LUC7L2: variants seen among roughly 807,000 people sequenced by gnomAD.
The protein encoded by LUC7L2 is LUC7 like 2, pre-mRNA splicing factor, also known as putative RNA-binding protein Luc7-like 2.
Under a neutral mutation model 52.8 loss-of-function variants are expected in LUC7L2, and 25 were observed. The observed-to-expected ratio is 0.47, with a 90% CI of 0.34 to 0.66. The LOEUF (loss-of-function observed/expected upper bound fraction) is 0.66. Among genes scored for constraint, LUC7L2 ranks in the 30% least tolerant of loss-of-function variants. The pLI, the probability that LUC7L2 is intolerant of heterozygous loss-of-function variation, is 0.01. For synonymous variants in LUC7L2, 144 were observed against 160.9 expected (o/e 0.89, Z 0.80); for missense variants, 328 against 497.8 (o/e 0.66, Z 3.25).
intron 1 of LUC7L2, among the ~76,000 whole-genome samples, chr7:139,352,617 G>A (rs531087198): frequency 9.8e-5 from 15 of 152,314 alleles, no homozygotes; most frequent in African/African-American, 3.6e-4. Context: ...TTTGGCTCTT[G>A]TCATTTCTCC....
rs566144963 is a variant in LUC7L2, at chr7:139,391,201, C to T, written c.157-7398C>T. Among the ~76,000 whole-genome samples, 7 of 152,250 alleles carry T rather than the reference C, an allele frequency of 4.6e-5. No homozygotes were observed. The South Asian group carries it at 1.5e-3, about 32-fold the overall frequency. ...TTGGTGTACACTGTGGCAGTCAAAT[C>T]CTTGTATGTACATCTTTGTAGACAC... On this transcript the variant is annotated intron_variant, in intron 2 of 9. Transcript: ENST00000354926.
intron 1 of LUC7L2, among the ~76,000 whole-genome samples, chr7:139,353,296 A>G (rs1799508379): frequency 6.6e-6 from 1 of 152,218 alleles, no homozygotes; most frequent in African/African-American, 2.4e-5. Flanking sequence ...TATTTACCAT[A>G]TTTAGTTCAT....
intron 2 of LUC7L2, among the ~76,000 whole-genome samples, chr7:139,383,028 C>G (rs183607263): frequency 4.6e-5 from 7 of 152,252 alleles, no homozygotes; most frequent in African/African-American, 1.7e-4. Flanking sequence ...TAGGCATAAG[C>G]AATTCTCCTG....
intron 1 of LUC7L2, chr7:139,345,861 T>A: frequency 1.2e-6 from 1 of 823,694 alleles, no homozygotes; most frequent in Non-Finnish European, 1.8e-6. Context: ...ATCTTTACTC[T>A]CAGTGAATTT....
At chr7:139,382,212 A>G (rs545688720) in intron 2 of LUC7L2, among the ~76,000 whole-genome samples, 7 of 151,918 alleles carry the variant, frequency 4.6e-5, no homozygotes, top group African/African-American at 1.7e-4. Context: ...TTTAATAGAG[A>G]TTGGGTTTTA....
intron 2 of LUC7L2, among the ~76,000 whole-genome samples, chr7:139,379,802 T>C (rs925784541): frequency 3.3e-5 from 5 of 151,784 alleles, no homozygotes; most frequent in Non-Finnish European, 5.9e-5. Flanking sequence ...CTGACCTCAG[T>C]TGATCTGCCT....
At chr7:139,360,943 A>G (rs1430936684) in intron 1 of LUC7L2, among the ~76,000 whole-genome samples, 2 of 152,130 alleles carry the variant, frequency 1.3e-5, no homozygotes, top group African/African-American at 2.4e-5. Context: ...TTTCCGAGAG[A>G]CCTCCATTTT....
chr7:139,359,488 G>C (rs1322274495), upstream of LUC7L2: 1 of 208,226 alleles, frequency 4.8e-6, no homozygotes, highest in African/African-American at 2.3e-5. Flanking sequence ...CGGGGCGGGC[G>C]TTCGCCCCGA....
rs184951602 is a variant in LUC7L2 at position 139,401,999 on chromosome 7, A to G, written c.256-138A>G. 2.7e-4 allele frequency: 228 copies of G among 845,868 alleles called. 5 individuals carry two copies. The Admixed American group carries it at 8.0e-3, about 30-fold the overall frequency. 52.4% of individuals were successfully genotyped at this position (845,868 alleles called of 1,614,324 possible). On this transcript the variant is annotated intron_variant, in intron 3 of 9. Transcript: ENST00000354926. ...AGTGATCTGTCTGCCTTAGCCTCCTAAAGTGCTCAATTACTGACGTGAGCC... is the reference window on the plus strand; with the variant it reads ...AGTGATCTGTCTGCCTTAGCCTCCTGAAGTGCTCAATTACTGACGTGAGCC...
chr7:139,359,443 A>C, upstream of LUC7L2: 20 of 167,556 alleles, frequency 1.2e-4, no homozygotes, highest in Non-Finnish European at 1.9e-4. Context: ...CCGGCCGGGA[A>C]AGGCGCACGA....
At chr7:139,411,403 T>G (rs894865824) in intron 7 of LUC7L2, among the ~76,000 whole-genome samples, 1 of 152,206 alleles carries the variant, frequency 6.6e-6, no homozygotes, top group Non-Finnish European at 1.5e-5. Context: ...CCAGACACTG[T>G]AGTAAGGAAT....
intron 1 of LUC7L2, among the ~76,000 whole-genome samples, chr7:139,361,842 AAGT>A (rs1363248032): frequency 1.3e-5 from 2 of 152,182 alleles, no homozygotes; most frequent in East Asian, 3.8e-4. Context: ...TAATAAAATT[AAGT>A]TATTTAAGAC....
chr7:139,377,693 T>A (rs1800788959), intron 2 of LUC7L2, among the ~76,000 whole-genome samples: 1 of 152,038 alleles, frequency 6.6e-6, no homozygotes, highest in Non-Finnish European at 1.5e-5. Context: ...TGCCCGGCCC[T>A]AATTTTTGTA....
intron 1 of LUC7L2, among the ~76,000 whole-genome samples, chr7:139,368,741 A>AAAAAG (rs1195725691): frequency 1.3e-5 from 2 of 151,832 alleles, no homozygotes; most frequent in African/African-American, 4.8e-5. Flanking sequence ...CCGTCTCAAA[A>AAAAAG]AAAAAAAAAA....
At chr7:139,343,012 C>G (rs1338626245) in intron 1 of LUC7L2, among the ~76,000 whole-genome samples, 2 of 152,196 alleles carry the variant, frequency 1.3e-5, no homozygotes, top group African/African-American at 4.8e-5. Context: ...GAAACCTACC[C>G]TTTCTCCACA....
At chr7:139,362,552 G>T (rs1221377675) in intron 1 of LUC7L2, among the ~76,000 whole-genome samples, 1 of 151,852 alleles carries the variant, frequency 6.6e-6, no homozygotes, top group African/African-American at 2.4e-5. Context: ...CTAAGAGGTG[G>T]AAATGGGTAT....
chr7:139,340,765 C>G (rs1381173430), intron 1 of LUC7L2: 2 of 372,152 alleles, frequency 5.4e-6, no homozygotes, highest in Non-Finnish European at 4.8e-6. Flanking sequence ...CGAGTCCCAT[C>G]TGGGGTGGCC....
chr7:139,399,103 C>T (rs35536826), intron 3 of LUC7L2, among the ~76,000 whole-genome samples: 2 of 151,722 alleles, frequency 1.3e-5, no homozygotes, highest in Admixed American at 6.6e-5. Context: ...ATAGTTGGCC[C>T]CCCATATCTG....
At chr7:139,351,580 A>G (rs1799460199) in intron 1 of LUC7L2, among the ~76,000 whole-genome samples, 1 of 152,238 alleles carries the variant, frequency 6.6e-6, no homozygotes, top group African/African-American at 2.4e-5. Context: ...CATTCTACTC[A>G]GAACCCTTCA....
Sources: gnomAD v4.1 joint callset for allele counts (sites outside exome capture counted in the v4.1 genomes callset) on GRCh38, gnomAD v4.1.1 for gene constraint, MANE v1.5 for transcripts, NCBI Gene and HGNC (gene_info 2026-07-23, HGNC 2026-07-21) for gene names.